PCDH9: variants seen among roughly 807,000 people sequenced by gnomAD.
PCDH9 encodes protocadherin 9.
Under a neutral mutation model 70.6 loss-of-function variants are expected in PCDH9, and 24 were observed. The ratio of observed to expected loss-of-function variants is 0.34; its 90% CI spans 0.25 to 0.48. The LOEUF is 0.48. Among genes scored for constraint, PCDH9 ranks in the 20% least tolerant of loss-of-function variants. The pLI is 0.99. For synonymous variants in PCDH9, 562 were observed against 558.5 expected (o/e 1.01, Z -0.09); for missense variants, 1,281 against 1,503.6 (o/e 0.85, Z 2.45).
At chr13:67,211,567 T>A (rs957906511) in intron 2 of PCDH9, 2 of 152,040 alleles carry the variant, frequency 1.3e-5, no homozygotes, top group African/African-American at 4.8e-5. Flanking sequence ...ATAATTGAGT[T>A]AAAAAAACAT....
At chr13:66,752,460 C>CTGTTTTTTG (rs1391623530) in intron 3 of PCDH9, among the ~76,000 whole-genome samples, 1 of 152,084 alleles carries the variant, frequency 6.6e-6, no homozygotes. Flanking sequence ...CCATGCTCAG[C>CTGTTTTTTG]TGTTTTTTGT....
intron 2 of PCDH9, among the ~76,000 whole-genome samples, chr13:67,088,530 G>A (rs2086154951): frequency 6.6e-6 from 1 of 151,992 alleles, no homozygotes; most frequent in South Asian, 2.1e-4. Flanking sequence ...CTAATCATGA[G>A]TGAAGTATCT....
intron 4 of PCDH9, among the ~76,000 whole-genome samples, chr13:66,363,469 T>A (rs927613991): frequency 4.6e-5 from 7 of 152,160 alleles, no homozygotes; most frequent in Non-Finnish European, 1.0e-4. Context: ...AAATGAACAA[T>A]GTATTTGTAA....
intron 4 of PCDH9, among the ~76,000 whole-genome samples, chr13:66,609,586 A>G (rs1050786361): frequency 3.9e-5 from 6 of 152,120 alleles, no homozygotes; most frequent in Non-Finnish European, 7.4e-5. Context: ...TTTGGCATAT[A>G]TAAAGCAGAT....
At chr13:66,826,715 G>T (rs575795955) in intron 3 of PCDH9, among the ~76,000 whole-genome samples, 2 of 152,082 alleles carry the variant, frequency 1.3e-5, no homozygotes, top group Non-Finnish European at 2.9e-5. Context: ...ACTAAAGAGT[G>T]GGAAGAAAGG....
chr13:66,548,705 CA>C (rs1396422310), intron 4 of PCDH9, among the ~76,000 whole-genome samples: 11 of 151,884 alleles, frequency 7.2e-5, no homozygotes, highest in African/African-American at 2.7e-4. Context: ...TACATTTGAG[CA>C]AAATAGAGTT....
chr13:67,009,489 C>G (rs1300847738), intron 2 of PCDH9, among the ~76,000 whole-genome samples: 1 of 152,110 alleles, frequency 6.6e-6, no homozygotes. Flanking sequence ...AATATATAAG[C>G]CTCAAGTCAC....
At chr13:66,365,605 T>A (rs1956541310) in intron 4 of PCDH9, among the ~76,000 whole-genome samples, 1 of 152,184 alleles carries the variant, frequency 6.6e-6, no homozygotes, top group Admixed American at 6.6e-5. Context: ...ACTCTGGTAG[T>A]GATGGTTGAG....
intron 4 of PCDH9, among the ~76,000 whole-genome samples, chr13:66,337,388 A>G (rs1322942244): frequency 6.6e-6 from 1 of 152,070 alleles, no homozygotes; most frequent in Admixed American, 6.6e-5. Context: ...TAGGTAAGTG[A>G]TTCACCCAAA....
chr13:66,675,687 G>C (rs754142933), intron 3 of PCDH9, among the ~76,000 whole-genome samples: 35 of 152,120 alleles, frequency 2.3e-4, no homozygotes, highest in Admixed American at 1.9e-3. Context: ...TGAGTAAGTA[G>C]TGTTAAAGCA....
At position 66,304,691 on chromosome 13, in the gene PCDH9, T is replaced by G. The variant is rs751872039; in HGVS notation, c.3678A>C (p.Gly1226=). 8.1e-6 allele frequency: 13 copies of G among 1,613,140 alleles called. No homozygotes were observed. Among genetic ancestry groups the G allele is most frequent in the African/African-American group, 2.7e-5 (2 of 74,848 alleles). Residue 1226 remains glycine, a synonymous_variant, in exon 5 of 5, where the codon GGA becomes GGC. Transcript: ENST00000377865. Reference sequence around the variant, plus strand: ...GCTCCTTAGGACTCTCAGTAGCACCTCCTGCTTGCTTATAAGACTTCAGAT... The same window carrying G: ...GCTCCTTAGGACTCTCAGTAGCACCGCCTGCTTGCTTATAAGACTTCAGAT... ...LANLKSYKQA[G]GATESPKEHQ... is the part of the protein sequence containing the mutation.
At chr13:66,476,874 C>T (rs900741945) in intron 4 of PCDH9, among the ~76,000 whole-genome samples, 1 of 151,978 alleles carries the variant, frequency 6.6e-6, no homozygotes, top group African/African-American at 2.4e-5. Flanking sequence ...AAATGAATAG[C>T]TCTGTAGAAA....
chr13:66,814,955 G>A (rs1040620916), intron 3 of PCDH9, among the ~76,000 whole-genome samples: 4 of 151,864 alleles, frequency 2.6e-5, no homozygotes, highest in Non-Finnish European at 5.9e-5. Flanking sequence ...AAGAAACTAC[G>A]AACAGAGTAG....
chr13:66,860,771 C>T (rs775663629), intron 3 of PCDH9, among the ~76,000 whole-genome samples: 3 of 152,092 alleles, frequency 2.0e-5, no homozygotes, highest in African/African-American at 7.2e-5. Flanking sequence ...TTCAAAAGAG[C>T]GAAACAGAGG....
intron 3 of PCDH9, among the ~76,000 whole-genome samples, chr13:66,775,419 G>T: frequency 6.6e-6 from 1 of 152,114 alleles, no homozygotes; most frequent in South Asian, 2.1e-4. Flanking sequence ...CTGGATTCAA[G>T]GATGCTTGGA....
chr13:66,849,020 G>A (rs557041867), intron 3 of PCDH9, among the ~76,000 whole-genome samples: 16 of 150,034 alleles, frequency 1.1e-4, no homozygotes, highest in Middle Eastern at 3.5e-3. Flanking sequence ...CAAATATTCT[G>A]TGTGATCTCC....
chr13:66,636,884 A>G (rs982407011), intron 3 of PCDH9, among the ~76,000 whole-genome samples: 8 of 152,072 alleles, frequency 5.3e-5, no homozygotes, highest in Non-Finnish European at 1.5e-5. Flanking sequence ...CATAAATCCA[A>G]TAAAGATTTG....
At chr13:66,848,802 A>C (rs1386697883) in intron 3 of PCDH9, among the ~76,000 whole-genome samples, 5 of 151,790 alleles carry the variant, frequency 3.3e-5, no homozygotes, top group Non-Finnish European at 5.9e-5. Context: ...GTGGCGGGCA[A>C]CTGTAGTCCC....
chr13:67,077,016 T>C (rs1443102232), intron 2 of PCDH9, among the ~76,000 whole-genome samples: 2 of 152,152 alleles, frequency 1.3e-5, no homozygotes, highest in African/African-American at 4.8e-5. Flanking sequence ...ATTGAAAGAA[T>C]TTTGCATAAG....
Sources: allele counts gnomAD v4.1 joint callset (sites outside exome capture counted in the v4.1 genomes callset), GRCh38; gene constraint gnomAD v4.1.1; transcripts MANE v1.5; gene names NCBI Gene and HGNC (gene_info 2026-07-23, HGNC 2026-07-21).